The following KASH5 variants were observed in gnomAD, a reference collection of about 807,000 sequenced individuals.
KASH5 encodes the protein protein KASH5.
Under a neutral mutation model 84.2 loss-of-function variants are expected in KASH5, and 72 were observed. The ratio of observed to expected loss-of-function variants is 0.85; its 90% CI spans 0.71 to 1.04. KASH5 has a LOEUF of 1.04. KASH5 is among the 50% of genes least tolerant of loss of function. The probability of loss-of-function intolerance (pLI) is 0.00; values close to 1 mark genes in which losing one functional copy is unlikely to be tolerated. For synonymous variants in KASH5, 260 were observed against 279.1 expected (o/e 0.93, Z 0.68); for missense variants, 650 against 701.0 (o/e 0.93, Z 0.82).
At chr19:49,397,776 G>A in intron 6 of KASH5, 59 bp downstream of exon 6, 1 of 1,575,406 alleles carries the variant, frequency 6.3e-7, no homozygotes. Context: ...CCTCCAGCCT[G>A]CCGAGGCCCG....
At chr19:49,405,414 G>A (rs964080638) in intron 9 of KASH5, among the ~76,000 whole-genome samples, 2 of 145,356 alleles carry the variant, frequency 1.4e-5, no homozygotes, top group African/African-American at 2.6e-5. Context: ...CCGAGATCAC[G>A]CCATTGCACT....
At position 49,414,200 on chromosome 19, in the gene KASH5, G is replaced by T. The variant is rs774368950; in HGVS notation, c.1329-751G>T. Among the ~76,000 whole-genome samples, 1 of 152,128 alleles carries T rather than the reference G, an allele frequency of 6.6e-6. No individual in the cohort carries two copies. The highest frequency in any genetic ancestry group is 1.5e-5 in the Non-Finnish European group (1 of 68,000). On this transcript the variant is annotated intron_variant, in intron 16 of 19. Transcript: ENST00000447857. This position sits in a 1 kb window ranked among gnomAD's most constrained non-coding sequence, Gnocchi z 4.5. ...CTAGACCGAGACTCGCTGAGGGAAG[G>T]GTCAGGTCTCATCTCCTGGCCTACA...
At chr19:49,396,246 T>A (rs996172716) in intron 5 of KASH5, among the ~76,000 whole-genome samples, 2 of 56,388 alleles carry the variant, frequency 3.5e-5, no homozygotes, top group Non-Finnish European at 7.8e-5. Context: ...TGCTGGACTT[T>A]TTTTTTTTTT....
At chr19:49,391,345 G>A (rs775571177) in intron 2 of KASH5, among the ~76,000 whole-genome samples, 14 of 152,122 alleles carry the variant, frequency 9.2e-5, no homozygotes, top group South Asian at 4.1e-4. Context: ...ACAAGGCAGC[G>A]TCTGTTTTAT....
rs201890660 is a variant in KASH5, at chr19:49,395,174, C to T, written c.217C>T (p.Arg73Cys). The change falls in exon 4 of 20, where the codon CGC becomes TGC. Residue 73 changes from arginine to cysteine, a missense_variant. By Grantham distance (180) the Arg-to-Cys change is radical (BLOSUM62 -3). Transcript: ENST00000447857. The surrounding 1 kb of genome is among the most constrained non-coding windows in gnomAD (Gnocchi z 4.4). ...AVTGQGPQDA[R>C]LQTLANSLDP... ...GACAGGCCAGGGCCCCCAGGATGCA[C>T]GCCTCCAAACATTGGCCAACAGCCT... The T allele has an allele frequency of 4.0e-5, 65 of 1,612,846 alleles. No individual in the cohort carries two copies. In the Middle Eastern group the frequency reaches 1.7e-3, roughly 41 times the overall value.
In KASH5 at chr19:49,398,062, T is replaced by G; in HGVS notation, c.548T>G (p.Leu183Trp). Residue 183 changes from leucine (L) to tryptophan (W), a missense_variant, in exon 7 of 20, where the codon TTG (leucine) becomes TGG (tryptophan). Leu to Trp is a moderately conservative substitution (Grantham distance 61). Coordinates refer to ENST00000447857, the MANE Select transcript of KASH5 (RefSeq NM_144688.5). ...NRRLVGENAK[L>W]QRSMETAEEG... Reference sequence around the variant, plus strand: ...CGTCTGGTTGGGGAGAATGCCAAATTGCAGCGGAGCATGGAGACAGCTGAG... The same window carrying G: ...CGTCTGGTTGGGGAGAATGCCAAATGGCAGCGGAGCATGGAGACAGCTGAG... The G allele has an allele frequency of 6.2e-7, 1 of 1,613,700 alleles. No individual in the cohort carries two copies. Among genetic ancestry groups the G allele is most frequent in the Non-Finnish European group, 8.5e-7 (1 of 1,179,706 alleles).
At position 49,403,447 on chromosome 19, in the gene KASH5, A is replaced by AC. The variant is rs1186451271; in HGVS notation, c.799-3434dup. 2.6e-5 allele frequency among the ~76,000 whole-genome samples: 4 copies of AC among 151,952 alleles called. No homozygotes were observed. In the South Asian group the frequency reaches 8.3e-4, roughly 32 times the overall value. On this transcript the variant is annotated intron_variant, in intron 9 of 19. Coordinates refer to ENST00000447857, the MANE Select transcript of KASH5 (RefSeq NM_144688.5). ...CCTTTCATCAGAAGCCTCTCACCCC[A>AC]CCCCCAGCAGCTCTTACATCTCACT...
chr19:49,412,811 GCAGGT>G lies in KASH5; in HGVS notation c.1270-156_1270-152del, dbSNP rs1974763736. ...TCATGTAGGGCAGCACGAGAGGAGG[GCAGGT>G]TGTAGAAGGTGGTGAATTCATGTGT... On this transcript the variant is annotated intron_variant, in intron 15 of 19. Coordinates refer to ENST00000447857, the MANE Select transcript of KASH5 (RefSeq NM_144688.5). The surrounding 1 kb of genome is among the most constrained non-coding windows in gnomAD (Gnocchi z 4.6). Among the ~76,000 whole-genome samples, 1 of 152,198 alleles carries G rather than the reference GCAGGT, an allele frequency of 6.6e-6. No individual in the cohort carries two copies. The highest frequency in any genetic ancestry group is 2.1e-4 in the South Asian group (1 of 4,830).
At chr19:49,403,386 G>A (rs79200029) in intron 9 of KASH5, among the ~76,000 whole-genome samples, 736 of 26,646 alleles carry the variant, frequency 0.028, 7 homozygotes, top group Non-Finnish European at 0.034. Flanking sequence ...TAAAAAAAAA[G>A]GGGGGGGGCA....
chr19:49,392,229 G>C (rs8100649), intron 2 of KASH5, among the ~76,000 whole-genome samples: 1 of 152,110 alleles, frequency 6.6e-6, no homozygotes, highest in Non-Finnish European at 1.5e-5. Context: ...AGGGAATGGA[G>C]AGTCTCTGAG....
At chr19:49,389,378 C>T (rs1973925967) in intron 1 of KASH5, among the ~76,000 whole-genome samples, 1 of 151,820 alleles carries the variant, frequency 6.6e-6, no homozygotes, top group South Asian at 2.1e-4. Flanking sequence ...CCTTGAAAGC[C>T]CGCCAAGGCC....
intron 12 of KASH5, among the ~76,000 whole-genome samples, chr19:49,407,908 C>T (rs1046944824): frequency 6.6e-6 from 1 of 152,052 alleles, no homozygotes; most frequent in South Asian, 2.1e-4. Flanking sequence ...TCTCACACAC[C>T]TCCTCTCCTT....
chr19:49,400,582 T>C (rs1021535503), intron 9 of KASH5, among the ~76,000 whole-genome samples: 1 of 151,666 alleles, frequency 6.6e-6, no homozygotes, highest in African/African-American at 2.4e-5. Context: ...AGAGACGGGG[T>C]TTTTCCATGT....
At chr19:49,394,999 G>A (rs1974126712) in intron 3 of KASH5, 107 bp from the exon 4 acceptor site, 1 of 834,706 alleles carries the variant, frequency 1.2e-6, no homozygotes, top group Admixed American at 2.9e-5. Context: ...CCATGGAGCA[G>A]GAGTGCCACC....
At chr19:49,398,205 C>CGG in intron 7 of KASH5, 62 bp downstream of exon 7, 1 of 1,427,422 alleles carries the variant, frequency 7.0e-7, no homozygotes, top group East Asian at 2.4e-5. Context: ...CTGCAGCAGC[C>CGG]GGCCTCTATC....
chr19:49,403,690 T>G (rs1035724166), intron 9 of KASH5, among the ~76,000 whole-genome samples: 2 of 151,298 alleles, frequency 1.3e-5, no homozygotes, highest in Admixed American at 6.6e-5. Flanking sequence ...ACAGAGAGAG[T>G]AGATCCCTCG....
rs752775545 is a variant in KASH5 at position 49,412,826 on chromosome 19, T to C, written c.1270-142T>C. ...CGAGAGGAGGGCAGGTTGTAGAAGG[T>C]GGTGAATTCATGTGTAGGTTGCAGC... On this transcript the variant is annotated intron_variant, in intron 15 of 19. Coordinates refer to ENST00000447857, the MANE Select transcript of KASH5 (RefSeq NM_144688.5). The surrounding 1 kb of genome is among the most constrained non-coding windows in gnomAD (Gnocchi z 4.6). 3.1e-5 allele frequency: 22 copies of C among 699,584 alleles called. No individual in the cohort carries two copies. The highest frequency in any genetic ancestry group is 4.9e-5 in the Non-Finnish European group (20 of 408,152). 43.3% of individuals were successfully genotyped at this position (699,584 alleles called of 1,614,324 possible). A position where few individuals can be genotyped will look rare whatever the true frequency, so the allele number is the denominator to read the frequency against.
Position 49,417,441 on chromosome 19 carries a change from G to C in KASH5, c.1620G>C (p.Leu540=). The C allele has an allele frequency of 6.4e-7, 1 of 1,555,644 alleles. No homozygotes were observed. The highest frequency in any genetic ancestry group is 8.7e-7 in the Non-Finnish European group (1 of 1,149,770). ...TGCTGCTGCTGCTCTCTGTCCTGCT[G>C]CTTGGCCCGTCCCCACCTCCCACCT... ...LLLLLLLSVL[L]LGPSPPPTWP... is the part of the protein sequence containing the mutation. The change falls in exon 20 of 20, where the codon CTG becomes CTC. Residue 540 remains leucine (L), a synonymous_variant. Coordinates refer to ENST00000447857, the MANE Select transcript of KASH5 (RefSeq NM_144688.5). The surrounding 1 kb of genome is among the most constrained non-coding windows in gnomAD (Gnocchi z 5.2).
intron 14 of KASH5, 100 bp downstream of exon 14, chr19:49,409,383 T>C: frequency 7.9e-7 from 1 of 1,261,328 alleles, no homozygotes; most frequent in Non-Finnish European, 1.1e-6. Flanking sequence ...CTAACCCACA[T>C]TGCTGCCAGA....
Sources: gnomAD v4.1 joint callset for allele counts (sites outside exome capture counted in the v4.1 genomes callset) on GRCh38, gnomAD v4.1.1 for gene constraint, Gnocchi (gnomAD v3.1) non-coding constraint, MANE v1.5 for transcripts, NCBI Gene and HGNC (gene_info 2026-07-23, HGNC 2026-07-21) for gene names.